The following ERBIN variants were observed in gnomAD, a reference collection of about 807,000 sequenced individuals.
The protein encoded by ERBIN is densin-180-like protein.
ERBIN carries 60 observed loss-of-function variants against 158.4 expected under a neutral mutation model. The observed-to-expected ratio is 0.38, with a 90% CI of 0.31 to 0.47. ERBIN has a LOEUF of 0.47. Among genes scored for constraint, ERBIN ranks in the 20% least tolerant of loss-of-function variants. ERBIN has a pLI of 0.99. For missense variants in ERBIN, 1,610 were observed against 1,648.0 expected (o/e 0.98, Z 0.40); for synonymous variants, 594 against 557.2 (o/e 1.07, Z -0.93).
intron 14 of ERBIN, among the ~76,000 whole-genome samples, chr5:66,032,912 C>T (rs1199142671): frequency 6.6e-6 from 1 of 152,114 alleles, no homozygotes; most frequent in Admixed American, 6.5e-5. Context: ...ACTGCCACAA[C>T]CAAGAAAAGT....
chr5:65,974,907 G>A (rs1749688551), intron 1 of ERBIN, among the ~76,000 whole-genome samples: 1 of 152,238 alleles, frequency 6.6e-6, no homozygotes, highest in Non-Finnish European at 1.5e-5. Flanking sequence ...AGGATGTGTG[G>A]TGTGATGGAA....
At chr5:65,966,680 C>CAAA (rs70987105) in intron 1 of ERBIN, among the ~76,000 whole-genome samples, 5 of 50,146 alleles carry the variant, frequency 1.0e-4, no homozygotes, top group East Asian at 1.6e-3. Context: ...AACTCTGTCT[C>CAAA]AAAAAAAAAA....
At chr5:66,007,883 C>G (rs1753794171) in intron 4 of ERBIN, among the ~76,000 whole-genome samples, 1 of 152,080 alleles carries the variant, frequency 6.6e-6, no homozygotes, top group African/African-American at 2.4e-5. Flanking sequence ...GAGGTGGGAA[C>G]TGGAGATACA....
chr5:66,061,729 G>A (rs1187177765), intron 21 of ERBIN, among the ~76,000 whole-genome samples: 2 of 152,156 alleles, frequency 1.3e-5, no homozygotes, highest in African/African-American at 4.8e-5. Flanking sequence ...GCTCTTTTAG[G>A]GCAGGCCTGG....
intron 1 of ERBIN, among the ~76,000 whole-genome samples, chr5:65,976,357 CAGCTACTGTGG>C (rs1409187284): frequency 6.6e-6 from 1 of 152,052 alleles, no homozygotes; most frequent in African/African-American, 2.4e-5. Flanking sequence ...ACTTTAATCC[CAGCTACTGTGG>C]AGGCTGAAGC....
intron 2 of ERBIN, among the ~76,000 whole-genome samples, chr5:65,988,940 A>T (rs1751559764): frequency 7.3e-6 from 1 of 136,776 alleles, no homozygotes; most frequent in South Asian, 2.3e-4. Flanking sequence ...CCAAGATCGC[A>T]CCACTGCACT....
At chr5:65,939,362 G>T (rs545597669) in intron 1 of ERBIN, among the ~76,000 whole-genome samples, 1 of 152,032 alleles carries the variant, frequency 6.6e-6, no homozygotes, top group Non-Finnish European at 1.5e-5. Flanking sequence ...GCTTGAACCC[G>T]GGGGGCAGAG....
intron 4 of ERBIN, among the ~76,000 whole-genome samples, chr5:66,008,152 C>T (rs1183072205): frequency 1.3e-5 from 2 of 152,284 alleles, no homozygotes. Flanking sequence ...GGCACGGTGG[C>T]TCACACCTGT....
chr5:66,019,047 C>T (rs923855145), intron 7 of ERBIN, among the ~76,000 whole-genome samples: 1 of 152,102 alleles, frequency 6.6e-6, no homozygotes, highest in Non-Finnish European at 1.5e-5. Context: ...GATTTTATAT[C>T]CTTCAACTTT....
At position 66,081,906 on chromosome 5, in the gene ERBIN, A is replaced by G. The variant is rs957238994; in HGVS notation, c.*3376A>G. On this transcript the variant is annotated 3_prime_UTR_variant, in exon 26 of 26. Coordinates refer to ENST00000284037, the MANE Select transcript of ERBIN (RefSeq NM_001253697.2). ...GTGAACAAGATGCCTCTTTAAAAAA[A>G]AAAAAGAAAAAGTAATCTAGACAGG... The G allele has an allele frequency of 2.0e-5, 3 of 152,056 alleles. No individual in the cohort carries two copies. The highest frequency in any genetic ancestry group is 7.2e-5 in the African/African-American group (3 of 41,448). The allele number at this position is 152,056 out of a possible 1,614,324, so 9.4% of individuals were successfully genotyped here. A position where few individuals can be genotyped will look rare whatever the true frequency, so the allele number is the denominator to read the frequency against.
At chr5:66,047,324 C>T (rs182981340) in intron 18 of ERBIN, among the ~76,000 whole-genome samples, 2 of 152,066 alleles carry the variant, frequency 1.3e-5, no homozygotes, top group Admixed American at 6.5e-5. Flanking sequence ...TTTTTATGAC[C>T]GAATAATACT....
At chr5:66,027,565 T>C (rs1214990816) in intron 13 of ERBIN, among the ~76,000 whole-genome samples, 2 of 152,046 alleles carry the variant, frequency 1.3e-5, no homozygotes, top group Admixed American at 1.3e-4. Context: ...AACTTTCCCA[T>C]TGTTATTCCC....
intron 14 of ERBIN, among the ~76,000 whole-genome samples, chr5:66,033,001 A>G (rs868218594): frequency 2.6e-4 from 39 of 152,330 alleles, no homozygotes; most frequent in Middle Eastern, 3.4e-3. Flanking sequence ...TATCTTTGGT[A>G]TATCCAAGTT....
chr5:66,078,373 A>AAAT, intron 25 of ERBIN, 50 bp from the exon 26 acceptor site: 1 of 1,183,464 alleles, frequency 8.4e-7, no homozygotes. Flanking sequence ...GCAGAAATGC[A>AAAT]AATAAATAAC....
rs752006865 is a variant in ERBIN at position 66,075,208 on chromosome 5, G to C, written c.3941G>C (p.Gly1314Ala). Reference sequence around the variant, plus strand: ...CAGCCCCATTGTTCTCCTAGACAAGGCCATGAACTGGCAAAACAAGAGGTA... The same window carrying C: ...CAGCCCCATTGTTCTCCTAGACAAGCCCATGAACTGGCAAAACAAGAGGTA... ...YTQPHCSPRQ[G>A]HELAKQEIRV... Residue 1314 changes from glycine to alanine, a missense_variant, in exon 23 of 26, where the codon GGC (glycine) becomes GCC (alanine). Physicochemically the swap from Gly to Ala is moderately conservative, Grantham distance 60. This residue lies in a region of ERBIN where 1,014 missense variants were observed against 936.1 expected (regional missense o/e 1.08). Coordinates refer to ENST00000284037, the MANE Select transcript of ERBIN (RefSeq NM_001253697.2). The C allele has an allele frequency of 6.2e-7, 1 of 1,613,954 alleles. No individual in the cohort carries two copies. Among genetic ancestry groups the C allele is most frequent in the Non-Finnish European group, 8.5e-7 (1 of 1,179,988 alleles).
intron 10 of ERBIN, chr5:66,025,164 T>C (rs938795149): frequency 2.6e-5 from 8 of 304,950 alleles, no homozygotes; most frequent in African/African-American, 9.0e-5. Context: ...TGTCTGTCTT[T>C]TCTGTGCCAT....
At chr5:66,071,331 T>C (rs924395955) in intron 21 of ERBIN, among the ~76,000 whole-genome samples, 2 of 151,976 alleles carry the variant, frequency 1.3e-5, no homozygotes, top group African/African-American at 4.8e-5. Flanking sequence ...ATCACACCAC[T>C]GCACTACAGC....
intron 1 of ERBIN, among the ~76,000 whole-genome samples, chr5:65,965,596 T>C (rs1320347323): frequency 1.3e-5 from 2 of 152,004 alleles, no homozygotes; most frequent in African/African-American, 4.8e-5. Flanking sequence ...TTTCACCATG[T>C]TGGTCAGGCT....
intron 1 of ERBIN, among the ~76,000 whole-genome samples, chr5:65,930,231 C>T (rs1182262297): frequency 1.3e-5 from 2 of 152,160 alleles, no homozygotes; most frequent in East Asian, 3.9e-4. Context: ...TTTATTAGCC[C>T]ATTTAATTCT....
Sources: gnomAD v4.1 joint callset for allele counts (sites outside exome capture counted in the v4.1 genomes callset) on GRCh38, gnomAD v4.1.1 for gene constraint, gnomAD v4.1.1 regional missense constraint, MANE v1.5 for transcripts, NCBI Gene and HGNC (gene_info 2026-07-23, HGNC 2026-07-21) for gene names.